MTR: variants seen among roughly 807,000 people sequenced by gnomAD.
MTR encodes the protein methionine synthase.
MTR carries 84 observed loss-of-function variants against 154.8 expected under a neutral mutation model. That is an observed-to-expected ratio of 0.54 (90% confidence interval 0.45 to 0.65). The LOEUF is 0.65. Among genes scored for constraint, MTR ranks in the 30% least tolerant of loss-of-function variants. The pLI, the probability that MTR is intolerant of heterozygous loss-of-function variation, is 0.00. For missense variants in MTR, 1,275 were observed against 1,570.2 expected (o/e 0.81, Z 3.18); for synonymous variants, 554 against 553.9 (o/e 1.00, Z 0.00).
intron 1 of MTR, among the ~76,000 whole-genome samples, chr1:236,799,605 A>G (rs1460821383): frequency 6.6e-6 from 1 of 152,116 alleles, no homozygotes. Context: ...ACTCTAGTCT[A>G]TAGGTATTTT....
In MTR at chr1:236,795,751, C is replaced by T. The variant is rs369825451; in HGVS notation, c.34+14C>T. On this transcript the variant is annotated intron_variant, in intron 1 of 32. Transcript: ENST00000366577. ...TGTCGCAACCCGGTAACGCTGCGAC[C>T]CCGTCTGCGTGGTTGGGTTGTGTTT... is the stretch of plus-strand genomic sequence containing the variant. 2 of 1,614,024 alleles carry T rather than the reference C, an allele frequency of 1.2e-6. No individual in the cohort carries two copies. Among genetic ancestry groups the T allele is most frequent in the Non-Finnish European group, 1.7e-6 (2 of 1,180,044 alleles).
chr1:236,871,802 C>T (rs1462409523), intron 22 of MTR, among the ~76,000 whole-genome samples: 1 of 151,978 alleles, frequency 6.6e-6, no homozygotes, highest in Non-Finnish European at 1.5e-5. Context: ...TTGAAGTTGT[C>T]TTACTTTTTA....
In MTR at chr1:236,816,313, C is replaced by T. The variant is rs563348749; in HGVS notation, c.670-136C>T. The T allele has an allele frequency of 1.6e-5, 12 of 761,112 alleles. No homozygotes were observed. The South Asian group carries it at 1.7e-4, about 11-fold the overall frequency. The allele number at this position is 761,112 out of a possible 1,614,324, so 47.1% of individuals were successfully genotyped here. On this transcript the variant is annotated intron_variant, in intron 7 of 32. Coordinates refer to ENST00000366577, the MANE Select transcript of MTR (RefSeq NM_000254.3). ...GTTCTGACTATTATAGAAAGTGCCC[C>T]CTTTGAATTTGAGTTCCACATTTCT... is the stretch of plus-strand genomic sequence containing the variant.
chr1:236,824,156 A>G lies in MTR; in HGVS notation c.802A>G (p.Arg268Gly). ...LNCALGAAEM[R>G]PFIEIIGKCT... is the part of the protein sequence containing the mutation. Reference sequence around the variant, plus strand: ...TTGTGCTTTGGGTGCAGCTGAAATGAGACCTTTTATTGAAATAATTGGAAA... The same window carrying G: ...TTGTGCTTTGGGTGCAGCTGAAATGGGACCTTTTATTGAAATAATTGGAAA... Residue 268 changes from arginine to glycine, a missense_variant, in exon 9 of 33, where the codon AGA (arginine) becomes GGA (glycine). Coordinates refer to ENST00000366577, the MANE Select transcript of MTR (RefSeq NM_000254.3). 2 of 1,614,114 alleles carry G rather than the reference A, an allele frequency of 1.2e-6. No homozygotes were observed. Among genetic ancestry groups the G allele is most frequent in the Non-Finnish European group, 8.5e-7 (1 of 1,180,002 alleles).
At chr1:236,847,899 G>A (rs1005103723) in intron 15 of MTR, among the ~76,000 whole-genome samples, 2 of 152,192 alleles carry the variant, frequency 1.3e-5, no homozygotes, top group African/African-American at 4.8e-5. Flanking sequence ...CAGCACGATT[G>A]AGGCTTTATT....
intron 14 of MTR, 132 bp downstream of exon 14, chr1:236,835,819 A>G: frequency 1.6e-6 from 2 of 1,246,116 alleles, no homozygotes; most frequent in South Asian, 2.4e-5. Flanking sequence ...AAAACAGGGT[A>G]GTTTCTGATT....
chr1:236,888,845 T>C (rs1666162184), intron 27 of MTR, among the ~76,000 whole-genome samples: 1 of 152,248 alleles, frequency 6.6e-6, no homozygotes, highest in Non-Finnish European at 1.5e-5. Context: ...TGTTCTTTCA[T>C]GTTCTTCATG....
chr1:236,860,167 A>T (rs1055448152), intron 19 of MTR, among the ~76,000 whole-genome samples: 3 of 141,680 alleles, frequency 2.1e-5, no homozygotes, highest in Non-Finnish European at 3.0e-5. Context: ...CTGGCATCCT[A>T]TGGCCAGGGG....
chr1:236,861,398 G>A (rs1572282189), intron 20 of MTR, 121 bp downstream of exon 20: 2 of 1,366,966 alleles, frequency 1.5e-6, no homozygotes, highest in Non-Finnish European at 2.1e-6. Context: ...GTATTGGCTA[G>A]TCATTCCTTC....
rs1666504186 is a variant in MTR at position 236,894,387 on chromosome 1, T to A, written c.3235T>A (p.Tyr1079Asn). The change falls in exon 30 of 33, where the codon TAC becomes AAC. Residue 1079 changes from tyrosine to asparagine, a missense_variant. Tyr to Asn is a moderately radical substitution (Grantham distance 143). Transcript: ENST00000366577. ...AEKDSASTEP[Y>N]YCLSDFIAPL... Reference sequence around the variant, plus strand: ...GAAGGACTCTGCCAGCACGGAGCCATACTACTGCCTCTCAGACTTCATCGC... The same window carrying A: ...GAAGGACTCTGCCAGCACGGAGCCAAACTACTGCCTCTCAGACTTCATCGC... 1.2e-6 allele frequency: 2 copies of A among 1,614,226 alleles called. No homozygotes were observed. The highest frequency in any genetic ancestry group is 2.2e-5 in the South Asian group (2 of 91,088).
chr1:236,879,195 A>G (rs918040906), intron 24 of MTR, among the ~76,000 whole-genome samples: 4 of 152,226 alleles, frequency 2.6e-5, no homozygotes, highest in Non-Finnish European at 5.9e-5. Flanking sequence ...GTAAAGTACA[A>G]TTGAATCTCT....
At chr1:236,820,527 C>G (rs1661869700) in intron 8 of MTR, 4 of 780,670 alleles carry the variant, frequency 5.1e-6, no homozygotes, top group Admixed American at 3.7e-5. Context: ...TTAAGCTGTT[C>G]TTACCTGGGC....
Position 236,901,468 on chromosome 1 carries a change from C to T in MTR, c.*3824C>T, listed in dbSNP as rs1666914505. 1 of 120,608 alleles carries T rather than the reference C, an allele frequency of 8.3e-6. No individual in the cohort carries two copies. Among genetic ancestry groups the T allele is most frequent in the Non-Finnish European group, 1.5e-5 (1 of 64,998 alleles). The allele number at this position is 120,608 out of a possible 1,614,324, so 7.5% of individuals were successfully genotyped here. On this transcript the variant is annotated 3_prime_UTR_variant, in exon 33 of 33. Transcript: ENST00000366577. ...AAAACAATTATTTTAACCCAACTTCCAGGGAGACTGAATTTCTTCTGCCAG... is the reference window on the plus strand; with the variant it reads ...AAAACAATTATTTTAACCCAACTTCTAGGGAGACTGAATTTCTTCTGCCAG...
chr1:236,858,550 A>G (rs996761898), intron 18 of MTR, among the ~76,000 whole-genome samples: 7 of 152,166 alleles, frequency 4.6e-5, no homozygotes, highest in Non-Finnish European at 7.4e-5. Context: ...TTTTTTTCAC[A>G]GGGAGCAGTT....
chr1:236,900,734 A>C lies in MTR; in HGVS notation c.*3090A>C, dbSNP rs1306687383. ...TCAAATACAGTTTTTAAGGAAAGGA[A>C]GAACATCTTAGGGTAAACAGCAGCT... On this transcript the variant is annotated 3_prime_UTR_variant, in exon 33 of 33. Transcript: ENST00000366577. 1 of 152,292 alleles carries C rather than the reference A, an allele frequency of 6.6e-6. No homozygotes were observed. The highest frequency in any genetic ancestry group is 6.5e-5 in the Admixed American group (1 of 15,276). 9.4% of individuals were successfully genotyped at this position (152,292 alleles called of 1,614,324 possible).
At chr1:236,867,494 C>G (rs1016202298) in intron 22 of MTR, among the ~76,000 whole-genome samples, 1 of 152,156 alleles carries the variant, frequency 6.6e-6, no homozygotes, top group African/African-American at 2.4e-5. Context: ...TTCATGCCTG[C>G]TAACACAACA....
chr1:236,800,759 G>A (rs1424694928), intron 1 of MTR, among the ~76,000 whole-genome samples: 4 of 152,190 alleles, frequency 2.6e-5, no homozygotes, highest in African/African-American at 9.7e-5. Context: ...TTTATCAGAT[G>A]TTTACTATAC....
intron 15 of MTR, among the ~76,000 whole-genome samples, chr1:236,844,461 T>A (rs1367584968): frequency 2.5e-4 from 3 of 12,150 alleles, no homozygotes; most frequent in South Asian, 8.6e-3. Context: ...GGCGTGTGTG[T>A]GTGTGTGTGT....
intron 13 of MTR, among the ~76,000 whole-genome samples, chr1:236,832,594 T>A (rs963896532): frequency 2.0e-5 from 3 of 152,226 alleles, no homozygotes; most frequent in African/African-American, 4.8e-5. Context: ...GCTCAGTCAC[T>A]CTGTGGATGA....
Sources: allele counts gnomAD v4.1 joint callset (sites outside exome capture counted in the v4.1 genomes callset), GRCh38; gene constraint gnomAD v4.1.1; transcripts MANE v1.5; gene names NCBI Gene and HGNC (gene_info 2026-07-23, HGNC 2026-07-21).